Variants in ARRDC2 observed in about 807,000 individuals in gnomAD.
ARRDC2 encodes arrestin domain-containing protein 2.
ARRDC2 carries 39 observed loss-of-function variants against 38.9 expected under a neutral mutation model. The ratio of observed to expected loss-of-function variants is 1.00; its 90% CI spans 0.78 to 1.31. The LOEUF (loss-of-function observed/expected upper bound fraction) is 1.31. Among genes scored for constraint, ARRDC2 ranks in the 50% most tolerant of loss-of-function variants. The pLI, the probability that ARRDC2 is intolerant of heterozygous loss-of-function variation, is 0.00. For synonymous variants in ARRDC2, 300 were observed against 261.9 expected (o/e 1.15, Z -1.41); for missense variants, 553 against 588.4 (o/e 0.94, Z 0.62).
rs1041719795 is a variant in ARRDC2, at chr19:18,010,795, G to A, written c.1170+66G>A. Reference sequence around the variant, plus strand: ...CCCTGGGAGCCTTGATGGGGTGGCAGACATAGTAGATGGGTTTTTTTTGTT... The same window carrying A: ...CCCTGGGAGCCTTGATGGGGTGGCAAACATAGTAGATGGGTTTTTTTTGTT... On this transcript the variant is annotated intron_variant, in intron 7 of 7. Coordinates refer to ENST00000222250, the MANE Select transcript of ARRDC2 (RefSeq NM_015683.2). 3.9e-6 allele frequency: 6 copies of A among 1,538,664 alleles called. No homozygotes were observed. The African/African-American group carries it at 7.0e-5, about 18-fold the overall frequency.
At chr19:18,011,950 ATATTTTTT>A (rs2033421940) in intron 7 of ARRDC2, among the ~76,000 whole-genome samples, 1 of 56,626 alleles carries the variant, frequency 1.8e-5, no homozygotes, top group Admixed American at 2.9e-4. Context: ...ATATATATAT[ATATTTTTT>A]TTTTTTTTTT....
rs376207661 is a variant in ARRDC2 at position 18,010,337 on chromosome 19, G to A, written c.991G>A (p.Ala331Thr). ...CTTCCTGCTGGACTGGAGGCTGGGG[G>A]CCTTGCCGGAGCGGCCTGAGGGTAA... ...ASFLLDWRLG[A>T]LPERPEAPPE... is the part of the protein sequence containing the mutation. The change falls in exon 6 of 8, where the codon GCC becomes ACC. Residue 331 changes from alanine (A) to threonine (T), a missense_variant. This residue lies in a region of ARRDC2 where 6 missense variants were observed against 24.2 expected (regional missense o/e 0.25). Transcript: ENST00000222250. The A allele has an allele frequency of 7.4e-6, 12 of 1,611,056 alleles. No homozygotes were observed. Among genetic ancestry groups the A allele is most frequent in the African/African-American group, 2.7e-5 (2 of 74,944 alleles).
chr19:18,006,603 A>T (rs991990140), upstream of ARRDC2, among the ~76,000 whole-genome samples: 2 of 151,468 alleles, frequency 1.3e-5, no homozygotes, highest in African/African-American at 2.5e-5. Context: ...TGAGAGGGAG[A>T]CCGTGGAAAG....
At position 18,012,903 on chromosome 19, in the gene ARRDC2, T is replaced by C. The variant is rs1452193889; in HGVS notation, c.1171-10T>C. 2.0e-5 allele frequency: 33 copies of C among 1,612,900 alleles called. No individual in the cohort carries two copies. The highest frequency in any genetic ancestry group is 2.6e-5 in the Non-Finnish European group (31 of 1,179,378). On this transcript the variant is annotated splice_polypyrimidine_tract_variant and intron_variant, in intron 7 of 7. Coordinates refer to ENST00000222250, the MANE Select transcript of ARRDC2 (RefSeq NM_015683.2). The stretch of plus-strand genomic sequence containing the variant: ...TGTTCTCTGAGGCTTAATGGGAACA[T>C]TTCTCTTAGGAGGATCCAAACCCAC...
At chr19:18,001,240 C>T (rs1286337374) in exon 1 of ARRDC2, 11 of 1,132,040 alleles carry the variant, frequency 9.7e-6, no homozygotes, top group South Asian at 4.4e-5. Flanking sequence ...ACGCGGAAAC[C>T]CCGGGGATCT....
upstream of ARRDC2, chr19:18,007,062 A>C (rs1017729199): frequency 3.3e-5 from 5 of 152,416 alleles, no homozygotes; most frequent in African/African-American, 4.8e-5. Flanking sequence ...CACACACCTC[A>C]CTGAGGTGGT....
chr19:18,008,869 C>A (rs2305738), intron 2 of ARRDC2, 92 bp downstream of exon 2: 239,690 of 1,592,488 alleles, frequency 0.15, 18,632 homozygotes, highest in African/African-American at 0.21. Flanking sequence ...CTCTGAGCCC[C>A]AAGACTCTCC....
chr19:18,009,642 C>T lies in ARRDC2; in HGVS notation c.540C>T (p.Asn180=). The change falls in exon 4 of 8, where the codon AAC becomes AAT. Residue 180 remains asparagine, a synonymous_variant. Coordinates refer to ENST00000222250, the MANE Select transcript of ARRDC2 (RefSeq NM_015683.2). ...AGGTTGCCCGATCCTGGTACTGTAA[C>T]CGTGGCCTAGTCTCCCTTTCGGCCA... ...REKVARSWYC[N]RGLVSLSAKI... The T allele has an allele frequency of 6.2e-7, 1 of 1,611,176 alleles. No individual in the cohort carries two copies. The highest frequency in any genetic ancestry group is 8.5e-7 in the Non-Finnish European group (1 of 1,177,844).
chr19:18,002,149 T>C (rs184898970), intron 1 of ARRDC2, among the ~76,000 whole-genome samples: 1 of 152,250 alleles, frequency 6.6e-6, no homozygotes, highest in Admixed American at 6.5e-5. Context: ...TCCCTGATTC[T>C]CAGAGAAGGC....
At chr19:18,011,723 CCCAGG>C (rs1336015562) in intron 7 of ARRDC2, among the ~76,000 whole-genome samples, 1 of 151,346 alleles carries the variant, frequency 6.6e-6, no homozygotes, top group East Asian at 2.0e-4. Flanking sequence ...TACAAAATTA[CCCAGG>C]CTTGGTGGAG....
At position 18,009,662 on chromosome 19, in the gene ARRDC2, C is replaced by T. The variant is rs757352581; in HGVS notation, c.560C>T (p.Ser187Leu). 7.4e-5 allele frequency: 119 copies of T among 1,610,918 alleles called. No individual in the cohort carries two copies. The highest frequency in any genetic ancestry group is 9.6e-5 in the Non-Finnish European group (113 of 1,177,784). Reference sequence around the variant, plus strand: ...TGTAACCGTGGCCTAGTCTCCCTTTCGGCCAAGATCGACCGCAAGGGCTAC... The same window carrying T: ...TGTAACCGTGGCCTAGTCTCCCTTTTGGCCAAGATCGACCGCAAGGGCTAC... ...WYCNRGLVSL[S>L]AKIDRKGYTP... is the part of the protein sequence containing the mutation. Residue 187 changes from serine (S) to leucine (L), a missense_variant, in exon 4 of 8, where the codon TCG (serine) becomes TTG (leucine). This residue lies in a region of ARRDC2 where 447 missense variants were observed against 456.6 expected (regional missense o/e 0.98). Transcript: ENST00000222250.
exon 1 of ARRDC2, chr19:18,001,529 C>A: frequency 7.2e-7 from 1 of 1,389,004 alleles, no homozygotes; most frequent in Non-Finnish European, 9.4e-7. Context: ...AGCGACTACG[C>A]GGCCGCGGAG....
chr19:18,010,643 C>A lies in ARRDC2; in HGVS notation c.1084C>A (p.Pro362Thr). ...CTTGGGGCAGAGCCCCTTCCCGCTTCCGCAGGACCCCGACATGAGCCTTGA... is the reference window on the plus strand; with the variant it reads ...CTTGGGGCAGAGCCCCTTCCCGCTTACGCAGGACCCCGACATGAGCCTTGA... Reference protein sequence around the residue: ...AALGQSPFPLPQDPDMSLEGP... With the variant: ...AALGQSPFPLTQDPDMSLEGP... The change falls in exon 7 of 8, where the codon CCG (proline) becomes ACG (threonine). Residue 362 changes from proline to threonine, a missense_variant. By Grantham distance (38) the Pro-to-Thr change is conservative. Around this residue, in one of 3 missense-constraint regions of ARRDC2, gnomAD observed 100 missense variants for 107.6 expected, o/e 0.93. Coordinates refer to ENST00000222250, the MANE Select transcript of ARRDC2 (RefSeq NM_015683.2). The A allele has an allele frequency of 6.2e-7, 1 of 1,613,864 alleles. No homozygotes were observed. Among genetic ancestry groups the A allele is most frequent in the Non-Finnish European group, 8.5e-7 (1 of 1,180,000 alleles).
chr19:18,011,052 G>A (rs1395037426), intron 7 of ARRDC2, among the ~76,000 whole-genome samples: 1 of 152,150 alleles, frequency 6.6e-6, no homozygotes, highest in Non-Finnish European at 1.5e-5. Context: ...AGGCTGGAGT[G>A]CAATGGTGCG....
In ARRDC2 at chr19:18,009,783, G is replaced by A. The variant is rs750859871; in HGVS notation, c.593G>A (p.Gly198Glu). ...AKIDRKGYTP[G>E]EVIPVFAEID... ...GAGGCCCCACTGCTCCTTGCTGCAG[G>A]AGAGGTCATCCCTGTCTTTGCCGAG... The change falls in exon 5 of 8, where the codon GGA (glycine) becomes GAA (glutamate). Residue 198 changes from glycine (G) to glutamate (E), a missense_variant and splice_region_variant. This residue lies in a region of ARRDC2 where 447 missense variants were observed against 456.6 expected (regional missense o/e 0.98). Coordinates refer to ENST00000222250, the MANE Select transcript of ARRDC2 (RefSeq NM_015683.2). 6.2e-6 allele frequency: 10 copies of A among 1,612,890 alleles called. No individual in the cohort carries two copies. In the East Asian group the frequency reaches 2.2e-4, roughly 36 times the overall value.
chr19:18,011,316 G>C (rs1259616175), intron 7 of ARRDC2, among the ~76,000 whole-genome samples: 1 of 151,864 alleles, frequency 6.6e-6, no homozygotes, highest in East Asian at 2.0e-4. Flanking sequence ...ATTTTTTGTA[G>C]AAATGTGGTC....
chr19:18,009,461 T>C (rs2033358016), intron 3 of ARRDC2, 131 bp from the exon 4 acceptor site: 2 of 807,058 alleles, frequency 2.5e-6, no homozygotes, highest in East Asian at 2.5e-5. Flanking sequence ...TAACGGATAG[T>C]TCCTGGATTG....
In ARRDC2 at chr19:18,009,823, C is replaced by T; in HGVS notation, c.633C>T (p.Ser211=). The T allele has an allele frequency of 6.2e-7, 1 of 1,612,600 alleles. No homozygotes were observed. The highest frequency in any genetic ancestry group is 1.1e-5 in the South Asian group (1 of 91,086). The change falls in exon 5 of 8, where the codon TCC becomes TCT. Residue 211 remains serine (S), a synonymous_variant. Transcript: ENST00000222250. The part of the protein sequence containing the change: ...IPVFAEIDNG[S]TRPVLPRAAV... Reference sequence around the variant, plus strand: ...TCTTTGCCGAGATCGACAACGGCTCCACACGTCCTGTGCTGCCTCGGGCAG... The same window carrying T: ...TCTTTGCCGAGATCGACAACGGCTCTACACGTCCTGTGCTGCCTCGGGCAG...
upstream of ARRDC2, among the ~76,000 whole-genome samples, chr19:18,006,837 C>T (rs4808737): frequency 0.3 from 46,264 of 151,932 alleles, 8,254 homozygotes; most frequent in African/African-American, 0.5. Context: ...GTTACCTAAT[C>T]CCGCTTCTCC....
Sources: gnomAD v4.1 joint callset for allele counts (sites outside exome capture counted in the v4.1 genomes callset) on GRCh38, gnomAD v4.1.1 for gene constraint, gnomAD v4.1.1 regional missense constraint, MANE v1.5 for transcripts, NCBI Gene and HGNC (gene_info 2026-07-23, HGNC 2026-07-21) for gene names.